The following CACNB4 variants were observed in gnomAD, a reference collection of about 807,000 sequenced individuals.
CACNB4 encodes the protein calcium voltage-gated channel auxiliary subunit beta 4.
In CACNB4, 32 loss-of-function variants were observed where a neutral mutation model predicts 71.2. The observed-to-expected ratio is 0.45, with a 90% CI of 0.34 to 0.60. The LOEUF (loss-of-function observed/expected upper bound fraction) is 0.60, where lower values mean the gene tolerates loss of function less well. Ranked by LOEUF, CACNB4 falls within the 20% of genes least tolerant of loss-of-function variation. CACNB4 has a pLI of 0.01. For synonymous variants in CACNB4, 231 were observed against 236.9 expected (o/e 0.97, Z 0.23); for missense variants, 464 against 647.9 (o/e 0.72, Z 3.08).
intron 2 of CACNB4, among the ~76,000 whole-genome samples, chr2:152,059,002 C>T (rs1685869940): frequency 6.6e-6 from 1 of 152,232 alleles, no homozygotes; most frequent in Admixed American, 6.5e-5. Flanking sequence ...TGGCAGCTTC[C>T]ATGTGGTGTT....
intron 2 of CACNB4, among the ~76,000 whole-genome samples, chr2:151,897,563 G>T (rs2099852397): frequency 6.6e-6 from 1 of 152,178 alleles, no homozygotes; most frequent in African/African-American, 2.4e-5. Flanking sequence ...ATTTAAATAA[G>T]TCTGACAGAG....
intron 2 of CACNB4, among the ~76,000 whole-genome samples, chr2:151,952,405 G>A (rs2099867137): frequency 6.6e-6 from 1 of 152,110 alleles, no homozygotes; most frequent in Admixed American, 6.6e-5. Context: ...ACAGAGCCAT[G>A]CACAATCTAG....
chr2:152,002,114 A>G (rs1682459366), intron 2 of CACNB4, among the ~76,000 whole-genome samples: 1 of 152,214 alleles, frequency 6.6e-6, no homozygotes. Flanking sequence ...ATGAACAGCA[A>G]TGCCGCACCT....
intron 2 of CACNB4, among the ~76,000 whole-genome samples, chr2:151,966,672 T>C (rs910845120): frequency 1.3e-5 from 2 of 152,138 alleles, no homozygotes; most frequent in South Asian, 2.1e-4. Context: ...ACTGAATTCT[T>C]TCACCTGTCA....
chr2:151,981,369 T>C (rs4664071), intron 2 of CACNB4, among the ~76,000 whole-genome samples: 147,284 of 152,274 alleles, frequency 0.97, 71,251 homozygotes, highest in East Asian at 0.99. Flanking sequence ...GTCTAGTAGA[T>C]ATTTGAGGCC....
chr2:151,878,505 G>T (rs1330935852), intron 4 of CACNB4, among the ~76,000 whole-genome samples: 1 of 148,648 alleles, frequency 6.7e-6, no homozygotes, highest in Admixed American at 6.8e-5. Flanking sequence ...ATCAGTTGAG[G>T]CCAGGAGTTT....
chr2:152,029,988 C>T (rs910363262), intron 2 of CACNB4, among the ~76,000 whole-genome samples: 5 of 152,182 alleles, frequency 3.3e-5, no homozygotes, highest in Admixed American at 6.5e-5. Context: ...TACAGTCATG[C>T]ATCATGATAA....
chr2:151,912,118 G>C (rs114354382), intron 2 of CACNB4, among the ~76,000 whole-genome samples: 17 of 152,150 alleles, frequency 1.1e-4, no homozygotes, highest in African/African-American at 3.9e-4. Flanking sequence ...CAAAAAAACA[G>C]CTCCTGGATT....
At chr2:151,868,573 T>C (rs1361780786) in intron 9 of CACNB4, 1 of 152,160 alleles carries the variant, frequency 6.6e-6, no homozygotes, top group East Asian at 1.9e-4. Context: ...ATATTGTTGA[T>C]GGATCATAGT....
intron 2 of CACNB4, among the ~76,000 whole-genome samples, chr2:152,013,603 T>C (rs1683181810): frequency 6.6e-6 from 1 of 151,986 alleles, no homozygotes; most frequent in Admixed American, 6.6e-5. Context: ...GGGGCCAAAT[T>C]GAGCACGAGA....
chr2:151,982,756 G>GA lies in CACNB4; in HGVS notation c.148-99387dup, dbSNP rs563124458. 1.6e-4 allele frequency among the ~76,000 whole-genome samples: 25 copies of GA among 151,994 alleles called. No individual in the cohort carries two copies. The East Asian group carries it at 4.3e-3, about 26-fold the overall frequency. ...AGGGAAGAAAAGTTAATAGGATAAA[G>GA]AAGCTTCTGCATTGTTAGATGAAAG... is the stretch of plus-strand genomic sequence containing the variant. On this transcript the variant is annotated intron_variant, in intron 2 of 13. Transcript: ENST00000539935.
intron 2 of CACNB4, among the ~76,000 whole-genome samples, chr2:152,005,086 G>A (rs1277715245): frequency 3.3e-5 from 5 of 152,176 alleles, no homozygotes; most frequent in Non-Finnish European, 1.5e-5. Flanking sequence ...ATGCAAATTA[G>A]TTCAGCCCCT....
intron 2 of CACNB4, among the ~76,000 whole-genome samples, chr2:151,909,444 A>G (rs1367865714): frequency 1.3e-4 from 1 of 7,838 alleles, no homozygotes; most frequent in African/African-American, 4.3e-4. Flanking sequence ...TCAGGGAGGA[A>G]AAAAACAAAA....
intron 12 of CACNB4, among the ~76,000 whole-genome samples, chr2:151,843,930 C>T (rs2099836900): frequency 1.3e-5 from 2 of 152,042 alleles, no homozygotes; most frequent in South Asian, 4.2e-4. Flanking sequence ...AAATTTTGGC[C>T]TTAAATTGGA....
At chr2:151,944,086 T>C (rs1490925374) in intron 2 of CACNB4, among the ~76,000 whole-genome samples, 1 of 149,718 alleles carries the variant, frequency 6.7e-6, no homozygotes, top group Non-Finnish European at 1.5e-5. Flanking sequence ...TGGAGTGCAA[T>C]GGAGTGACCA....
At chr2:151,905,743 A>G (rs1316779333) in intron 2 of CACNB4, among the ~76,000 whole-genome samples, 1 of 152,254 alleles carries the variant, frequency 6.6e-6, no homozygotes, top group Non-Finnish European at 1.5e-5. Flanking sequence ...TGACAGCTAA[A>G]GAGATCAACC....
At chr2:151,860,598 G>A (rs746323370) in intron 10 of CACNB4, 113 bp downstream of exon 10, 71 of 761,720 alleles carry the variant, frequency 9.3e-5, no homozygotes, top group Non-Finnish European at 1.6e-4. Context: ...TAGGTACTCA[G>A]TGCTCCCCCG....
At chr2:151,929,430 G>A (rs1291163201) in intron 2 of CACNB4, among the ~76,000 whole-genome samples, 1 of 151,946 alleles carries the variant, frequency 6.6e-6, no homozygotes, top group Non-Finnish European at 1.5e-5. Context: ...AAAAACTCTG[G>A]TCATAATATA....
chr2:152,015,128 C>G (rs1403443710), intron 2 of CACNB4, among the ~76,000 whole-genome samples: 1 of 152,030 alleles, frequency 6.6e-6, no homozygotes, highest in Admixed American at 6.6e-5. Flanking sequence ...CAACCAGCAC[C>G]TCTAAAACAA....
Sources: allele counts gnomAD v4.1 joint callset (sites outside exome capture counted in the v4.1 genomes callset), GRCh38; gene constraint gnomAD v4.1.1; transcripts MANE v1.5; gene names NCBI Gene and HGNC (gene_info 2026-07-23, HGNC 2026-07-21).